Variants in ZMIZ1 observed in about 807,000 individuals in gnomAD.
ZMIZ1 encodes the protein zinc finger MIZ domain-containing protein 1.
In ZMIZ1, 17 loss-of-function variants were observed where a neutral mutation model predicts 113.9. The observed-to-expected ratio is 0.15, with a 90% CI of 0.10 to 0.22. ZMIZ1 has a LOEUF of 0.22. Among genes scored for constraint, ZMIZ1 ranks in the 10% least tolerant of loss-of-function variants. The pLI is 1.00. For missense variants in ZMIZ1, 1,059 were observed against 1,477.8 expected (o/e 0.72, Z 4.65); for synonymous variants, 607 against 603.1 (o/e 1.01, Z -0.09).
chr10:79,183,816 G>A (rs1005929838), intron 4 of ZMIZ1, among the ~76,000 whole-genome samples: 1 of 152,116 alleles, frequency 6.6e-6, no homozygotes, highest in African/African-American at 2.4e-5. Context: ...AGGAAGGCAC[G>A]GCTGTTATCC....
chr10:79,198,275 A>T (rs1431599804), intron 4 of ZMIZ1, among the ~76,000 whole-genome samples: 1 of 152,094 alleles, frequency 6.6e-6, no homozygotes, highest in East Asian at 1.9e-4. Flanking sequence ...ACAAACAAAA[A>T]AGCATTTCTT....
rs2132115969 is a variant in ZMIZ1, at chr10:79,312,304, T to C, written c.3097-338T>C. 1.3e-5 allele frequency among the ~76,000 whole-genome samples: 2 copies of C among 152,372 alleles called. 1 individual carries two copies. Among genetic ancestry groups the C allele is most frequent in the Admixed American group, 1.3e-4 (2 of 15,314 alleles). On this transcript the variant is annotated intron_variant, in intron 24 of 24. Coordinates refer to ENST00000334512, the MANE Select transcript of ZMIZ1 (RefSeq NM_020338.4). ...TACACGTGAAGCATGTGATTTCAGC[T>C]GGGAGGCCCAAGTGACCTGCCATGG...
rs10648318 is a variant in ZMIZ1 at position 79,197,595 on chromosome 10, T to TACACACACACACAC, written c.-49-3987_-49-3974dup. Among the ~76,000 whole-genome samples the TACACACACACACAC allele has an allele frequency of 4.6e-3, 628 of 136,656 alleles. 8 individuals carry two copies. The highest frequency in any genetic ancestry group is 0.017 in the East Asian group (75 of 4,300). The allele number at this position is 136,656 out of a possible 152,430, so 89.7% of individuals were successfully genotyped here. A position where few individuals can be genotyped will look rare whatever the true frequency, so the allele number is the denominator to read the frequency against. ...ATTACGCCCCTGCCAACCCAGACCA[T>TACACACACACACAC]ACACACACACACACATACACACACA... On this transcript the variant is annotated intron_variant, in intron 4 of 24. Coordinates refer to ENST00000334512, the MANE Select transcript of ZMIZ1 (RefSeq NM_020338.4).
intron 6 of ZMIZ1, among the ~76,000 whole-genome samples, chr10:79,214,184 G>A (rs1424180163): frequency 6.6e-6 from 1 of 152,154 alleles, no homozygotes; most frequent in Non-Finnish European, 1.5e-5. Context: ...AGGGACCTTG[G>A]TTTTTCTATG....
In ZMIZ1 at chr10:79,296,802, G is replaced by T; in HGVS notation, c.1413+149G>T. 1 of 673,122 alleles carries T rather than the reference G, an allele frequency of 1.5e-6. No individual in the cohort carries two copies. Among genetic ancestry groups the T allele is most frequent in the South Asian group, 4.2e-5 (1 of 23,648 alleles). The allele number at this position is 673,122 out of a possible 1,614,324, so 41.7% of individuals were successfully genotyped here. A position where few individuals can be genotyped will look rare whatever the true frequency, so the allele number is the denominator to read the frequency against. Reference sequence around the variant, plus strand: ...ATTTCTGAACGTCCCCATGTGTTCAGGGCGAAGTTCGGTGGCCAGAATGTC... The same window carrying T: ...ATTTCTGAACGTCCCCATGTGTTCATGGCGAAGTTCGGTGGCCAGAATGTC... On this transcript the variant is annotated intron_variant, in intron 13 of 24. Transcript: ENST00000334512. The surrounding 1 kb of genome is among the most constrained non-coding windows in gnomAD (Gnocchi z 4.1).
Position 79,284,256 on chromosome 10 carries a change from C to T in ZMIZ1, c.426-5519C>T, listed in dbSNP as rs186119932. The stretch of plus-strand genomic sequence containing the variant: ...TCTACTGTGACTGCAGTGCAGAGAG[C>T]TCTCTATAAAATACGTGAAAAAAGT... On this transcript the variant is annotated intron_variant, in intron 8 of 24. Transcript: ENST00000334512. Among the ~76,000 whole-genome samples, 228 of 152,280 alleles carry T rather than the reference C, an allele frequency of 1.5e-3. 1 individual carries two copies. Among genetic ancestry groups the T allele is most frequent in the Middle Eastern group, 3.4e-3 (1 of 294 alleles).
At chr10:79,280,350 C>T (rs1420018418) in intron 8 of ZMIZ1, among the ~76,000 whole-genome samples, 1 of 152,176 alleles carries the variant, frequency 6.6e-6, no homozygotes, top group Non-Finnish European at 1.5e-5. Flanking sequence ...TCATAGCTCA[C>T]TGCAGCCTCG....
At chr10:79,104,182 G>A (rs189948619) in intron 1 of ZMIZ1, among the ~76,000 whole-genome samples, 3 of 152,328 alleles carry the variant, frequency 2.0e-5, no homozygotes, top group South Asian at 4.2e-4. Context: ...CCCCAGGATG[G>A]AGTAGAAGGT....
chr10:79,101,876 C>G (rs562417202), intron 1 of ZMIZ1, among the ~76,000 whole-genome samples: 1 of 152,336 alleles, frequency 6.6e-6, no homozygotes, highest in East Asian at 1.9e-4. Flanking sequence ...ATGTGAGGAG[C>G]AGCTGTCAAT....
intron 8 of ZMIZ1, among the ~76,000 whole-genome samples, chr10:79,283,094 CTTGT>C (rs1852842017): frequency 6.6e-6 from 1 of 152,260 alleles, no homozygotes; most frequent in Non-Finnish European, 1.5e-5. Context: ...CCTAATAAAT[CTTGT>C]TTATGCTGTT....
intron 2 of ZMIZ1, among the ~76,000 whole-genome samples, chr10:79,129,880 C>T (rs554647219): frequency 6.6e-5 from 10 of 152,218 alleles, no homozygotes; most frequent in Non-Finnish European, 1.5e-4. Context: ...GGGGACAGAG[C>T]GGAGTTGGTG....
intron 8 of ZMIZ1, among the ~76,000 whole-genome samples, chr10:79,281,637 T>C (rs899229816): frequency 5.3e-5 from 8 of 152,218 alleles, no homozygotes; most frequent in African/African-American, 1.7e-4. Flanking sequence ...ATAAGTGGTC[T>C]GTCAGAGAAA....
intron 4 of ZMIZ1, among the ~76,000 whole-genome samples, chr10:79,195,833 G>C (rs542327416): frequency 6.6e-6 from 1 of 152,204 alleles, no homozygotes; most frequent in Non-Finnish European, 1.5e-5. Flanking sequence ...AAGGTAGAGG[G>C]TTTGAATCTC....
At chr10:79,117,223 C>T (rs1035421162) in intron 1 of ZMIZ1, among the ~76,000 whole-genome samples, 6 of 152,268 alleles carry the variant, frequency 3.9e-5, no homozygotes, top group Admixed American at 1.3e-4. Context: ...ACACCGAATC[C>T]TATTGATCTA....
chr10:79,254,372 TG>T (rs1850743422), intron 7 of ZMIZ1, among the ~76,000 whole-genome samples: 1 of 152,206 alleles, frequency 6.6e-6, no homozygotes, highest in African/African-American at 2.4e-5. Flanking sequence ...TGGCTGCCTT[TG>T]GGGACATCAG....
chr10:79,297,470 G>A lies in ZMIZ1; in HGVS notation c.1414-143G>A, dbSNP rs955135497. 33 of 714,270 alleles carry A rather than the reference G, an allele frequency of 4.6e-5. 1 individual carries two copies. Among genetic ancestry groups the A allele is most frequent in the Admixed American group, 2.4e-4 (10 of 42,030 alleles). The allele number at this position is 714,270 out of a possible 1,614,324, so 44.2% of individuals were successfully genotyped here. A position where few individuals can be genotyped will look rare whatever the true frequency, so the allele number is the denominator to read the frequency against. ...GCCGTCCCTGAGGTGTAGCTGTCCC[G>A]CCCTGCTCACTCAATATACCCAGCA... On this transcript the variant is annotated intron_variant, in intron 13 of 24. Transcript: ENST00000334512.
intron 1 of ZMIZ1, among the ~76,000 whole-genome samples, chr10:79,093,439 G>A (rs1308730720): frequency 6.6e-6 from 1 of 151,836 alleles, no homozygotes; most frequent in East Asian, 1.9e-4. Flanking sequence ...CGATTCTCCG[G>A]CCTCAGCCTC....
chr10:79,307,487 G>C lies in ZMIZ1; in HGVS notation c.2751G>C (p.Gly917=), dbSNP rs764682982. The C allele has an allele frequency of 6.2e-7, 1 of 1,605,100 alleles. No individual in the cohort carries two copies. The highest frequency in any genetic ancestry group is 8.5e-7 in the Non-Finnish European group (1 of 1,173,496). The stretch of plus-strand genomic sequence containing the variant: ...CATCCATGAATGACTTCATGCACGG[G>C]CCCCCCCAGCTCTCCCACCCCCCGG... ...GGTSMNDFMH[G]PPQLSHPPDM... is the part of the protein sequence containing the mutation. The change falls in exon 23 of 25, where the codon GGG becomes GGC. Residue 917 remains glycine (G), a synonymous_variant. Coordinates refer to ENST00000334512, the MANE Select transcript of ZMIZ1 (RefSeq NM_020338.4).
At chr10:79,235,397 C>T (rs949254180) in intron 7 of ZMIZ1, among the ~76,000 whole-genome samples, 10 of 152,142 alleles carry the variant, frequency 6.6e-5, no homozygotes, top group Non-Finnish European at 1.3e-4. Flanking sequence ...CAGAGCACAC[C>T]GAGGTGCTCG....
Sources: gnomAD v4.1 joint callset for allele counts (sites outside exome capture counted in the v4.1 genomes callset) on GRCh38, gnomAD v4.1.1 for gene constraint, Gnocchi (gnomAD v3.1) non-coding constraint, MANE v1.5 for transcripts, NCBI Gene and HGNC (gene_info 2026-07-23, HGNC 2026-07-21) for gene names.